The following FGF12 variants were observed in gnomAD, a reference collection of about 807,000 sequenced individuals.
The protein encoded by FGF12 is fibroblast growth factor 12.
A neutral mutation model predicts 23.6 loss-of-function variants in FGF12; 14 were observed. That is an observed-to-expected ratio of 0.59 (90% CI 0.39 to 0.93). The LOEUF (loss-of-function observed/expected upper bound fraction) is 0.93. Among genes scored for constraint, FGF12 ranks in the 40% least tolerant of loss-of-function variants. The probability of loss-of-function intolerance (pLI) is 0.00; values close to 1 mark genes in which losing one functional copy is unlikely to be tolerated. For synonymous variants in FGF12, 62 were observed against 77.3 expected (o/e 0.80, Z 1.04); for missense variants, 175 against 217.8 (o/e 0.80, Z 1.24).
intron 2 of FGF12, among the ~76,000 whole-genome samples, chr3:192,489,647 G>C (rs1352706169): frequency 6.6e-6 from 1 of 152,068 alleles, no homozygotes; most frequent in Non-Finnish European, 1.5e-5. Context: ...AGAGAGACTA[G>C]GGTGGCAGGC....
chr3:192,447,568 A>G (rs997388274), intron 2 of FGF12, among the ~76,000 whole-genome samples: 4 of 152,192 alleles, frequency 2.6e-5, no homozygotes, highest in Non-Finnish European at 5.9e-5. Context: ...TAGTGGCAAT[A>G]ATACAGTGCA....
At chr3:192,158,367 T>TTTCTTTCTTTCTTTCTTTC (rs1553844108) in intron 5 of FGF12, among the ~76,000 whole-genome samples, 2,496 of 122,442 alleles carry the variant, frequency 0.02, 81 homozygotes, top group African/African-American at 0.042. Context: ...TCTTTCTTTC[T>TTTCTTTCTTTCTTTCTTTC]TTCTTTCTTT....
chr3:192,158,526 C>T (rs934769702), intron 5 of FGF12, among the ~76,000 whole-genome samples: 1 of 140,480 alleles, frequency 7.1e-6, no homozygotes, highest in Non-Finnish European at 1.5e-5. Context: ...TTCTTTCCTT[C>T]CCTCCCTTCC....
At chr3:192,192,602 T>C (rs1577221637) in intron 4 of FGF12, among the ~76,000 whole-genome samples, 1 of 151,608 alleles carries the variant, frequency 6.6e-6, no homozygotes, top group East Asian at 1.9e-4. Context: ...ACTTTTTTCT[T>C]CTCTCCACAC....
chr3:192,722,387 C>G (rs1057346942), intron 2 of FGF12, among the ~76,000 whole-genome samples: 1 of 152,300 alleles, frequency 6.6e-6, no homozygotes, highest in African/African-American at 2.4e-5. Flanking sequence ...TAGACATTTC[C>G]TTTCTCTGCT....
chr3:192,415,208 TG>T (rs1721308374), intron 2 of FGF12, among the ~76,000 whole-genome samples: 4 of 152,134 alleles, frequency 2.6e-5, no homozygotes, highest in Non-Finnish European at 5.9e-5. Context: ...CTGAAAGACC[TG>T]TCACAACAGA....
intron 2 of FGF12, among the ~76,000 whole-genome samples, chr3:192,667,828 T>A (rs1052594406): frequency 6.6e-6 from 1 of 151,968 alleles, no homozygotes; most frequent in African/African-American, 2.4e-5. Context: ...ATTTTGAACA[T>A]CATGTTATGT....
In FGF12 at chr3:192,630,678, G is replaced by A. The variant is rs539160410; in HGVS notation, c.13+96503C>T. On this transcript the variant is annotated intron_variant, in intron 2 of 5. Coordinates refer to ENST00000445105, the MANE Select transcript of FGF12 (RefSeq NM_004113.6). Reference sequence around the variant, plus strand: ...CCCCATTCTCCTGCCTCAGCCTCCCGAGTAGCTGGGACTACAGGCGCCCGC... The same window carrying A: ...CCCCATTCTCCTGCCTCAGCCTCCCAAGTAGCTGGGACTACAGGCGCCCGC... Among the ~76,000 whole-genome samples the A allele has an allele frequency of 1.1e-4, 17 of 149,932 alleles. No individual in the cohort carries two copies. In the East Asian group the frequency reaches 3.0e-3, roughly 26 times the overall value.
chr3:192,170,655 T>G lies in FGF12; in HGVS notation c.230A>C (p.Asp77Ala). ...MNGEGYLYSSDVFTPECKFKE... is the reference protein window; with the variant it reads ...MNGEGYLYSSAVFTPECKFKE... ...GAATTTGCATTCTGGAGTGAAAACA[T>G]CCTGTAGGAAAAAAAAAAAAAGACA... The change falls in exon 5 of 6, where the codon GAT (aspartate) becomes GCT (alanine). Residue 77 changes from aspartate to alanine, a missense_variant and splice_region_variant. By Grantham distance (126) the Asp-to-Ala change is moderately radical. Transcript: ENST00000445105. 6.4e-7 allele frequency: 1 copy of G among 1,551,520 alleles called. No homozygotes were observed. The highest frequency in any genetic ancestry group is 2.3e-5 in the East Asian group (1 of 43,402).
chr3:192,172,341 A>T (rs993038097), intron 4 of FGF12, among the ~76,000 whole-genome samples: 6 of 150,302 alleles, frequency 4.0e-5, no homozygotes, highest in Non-Finnish European at 5.9e-5. Context: ...GTGAGCAGAG[A>T]TTACACCCCA....
chr3:192,218,581 T>C (rs896433139), intron 4 of FGF12, among the ~76,000 whole-genome samples: 2 of 152,284 alleles, frequency 1.3e-5, no homozygotes, highest in African/African-American at 4.8e-5. Flanking sequence ...ACCATAATTG[T>C]GAGTTTCCTG....
At chr3:192,155,997 T>C (rs1033528066) in intron 5 of FGF12, among the ~76,000 whole-genome samples, 1 of 152,242 alleles carries the variant, frequency 6.6e-6, no homozygotes, top group African/African-American at 2.4e-5. Context: ...CTTTCTGTTA[T>C]AATGCGCAAT....
At chr3:192,643,266 C>T (rs1057487950) in intron 2 of FGF12, among the ~76,000 whole-genome samples, 1 of 106,048 alleles carries the variant, frequency 9.4e-6, no homozygotes. Context: ...TAGAATATCA[C>T]TAATTGATCC....
chr3:192,638,700 C>A (rs955652786), intron 2 of FGF12, among the ~76,000 whole-genome samples: 37 of 152,198 alleles, frequency 2.4e-4, no homozygotes, highest in African/African-American at 8.2e-4. Flanking sequence ...CACATGCCCA[C>A]AAGGTAGGTA....
At chr3:192,531,474 G>A (rs1357010342) in intron 2 of FGF12, among the ~76,000 whole-genome samples, 2 of 152,178 alleles carry the variant, frequency 1.3e-5, no homozygotes, top group African/African-American at 2.4e-5. Context: ...TTAGCACTTA[G>A]TGGACTCCCC....
intron 2 of FGF12, among the ~76,000 whole-genome samples, chr3:192,638,255 C>T (rs1715656721): frequency 6.6e-6 from 1 of 152,140 alleles, no homozygotes; most frequent in Non-Finnish European, 1.5e-5. Context: ...TTGAATACAA[C>T]TTATTGTTCT....
chr3:192,577,332 T>C (rs552596536), intron 2 of FGF12, among the ~76,000 whole-genome samples: 5 of 152,376 alleles, frequency 3.3e-5, no homozygotes, highest in Admixed American at 3.3e-4. Context: ...ATATTGTCCT[T>C]AGTGCAAGAA....
At chr3:192,560,646 A>G (rs1296228098) in intron 2 of FGF12, among the ~76,000 whole-genome samples, 3 of 152,232 alleles carry the variant, frequency 2.0e-5, no homozygotes, top group East Asian at 1.9e-4. Flanking sequence ...AATAAATATA[A>G]TTCTGCCTGG....
At chr3:192,578,538 CCT>C (rs1713006977) in intron 2 of FGF12, among the ~76,000 whole-genome samples, 1 of 152,088 alleles carries the variant, frequency 6.6e-6, no homozygotes, top group Non-Finnish European at 1.5e-5. Context: ...GGCAGTTTTG[CCT>C]CTCAGATTAG....
Sources: allele counts gnomAD v4.1 joint callset (sites outside exome capture counted in the v4.1 genomes callset), GRCh38; gene constraint gnomAD v4.1.1; transcripts MANE v1.5; gene names NCBI Gene and HGNC (gene_info 2026-07-23, HGNC 2026-07-21).